Variants in SLC4A4 observed in about 807,000 individuals in gnomAD.
SLC4A4 encodes solute carrier family 4 member 4.
A neutral mutation model predicts 111.5 loss-of-function variants in SLC4A4; 27 were observed. The observed-to-expected ratio is 0.24, with a 90% CI of 0.18 to 0.33. The LOEUF (loss-of-function observed/expected upper bound fraction) is 0.33, where lower values mean the gene tolerates loss of function less well. Ranked by LOEUF, SLC4A4 falls within the 10% of genes least tolerant of loss-of-function variation. The pLI is 1.00. For synonymous variants in SLC4A4, 443 were observed against 463.4 expected (o/e 0.96, Z 0.57); for missense variants, 909 against 1,315.5 (o/e 0.69, Z 4.78).
chr4:71,422,256 C>T (rs1429609827), intron 7 of SLC4A4, among the ~76,000 whole-genome samples: 30 of 142,404 alleles, frequency 2.1e-4, no homozygotes, highest in East Asian at 1.0e-3. Flanking sequence ...ATAAATTCCT[C>T]GACACATACA....
At chr4:71,301,027 A>C (rs1725210798) in intron 3 of SLC4A4, 2 of 434,082 alleles carry the variant, frequency 4.6e-6, no homozygotes, top group Non-Finnish European at 9.4e-6. Context: ...TTGCCAGCCC[A>C]CTAGAAGGGA....
chr4:71,214,444 A>G (rs187850447), intron 1 of SLC4A4, among the ~76,000 whole-genome samples: 421 of 152,296 alleles, frequency 2.8e-3, no homozygotes, highest in Non-Finnish European at 4.5e-3. Context: ...GCAAAGGCTG[A>G]TGGGGCAGAG....
intron 3 of SLC4A4, among the ~76,000 whole-genome samples, chr4:71,315,099 T>C (rs974771573): frequency 6.6e-6 from 1 of 152,126 alleles, no homozygotes; most frequent in Non-Finnish European, 1.5e-5. Flanking sequence ...TATAAAGTTA[T>C]CAAGCTGAAC....
intron 3 of SLC4A4, among the ~76,000 whole-genome samples, chr4:71,325,204 A>T (rs933754827): frequency 6.6e-6 from 1 of 151,858 alleles, no homozygotes; most frequent in Non-Finnish European, 1.5e-5. Flanking sequence ...AAGAAAATCT[A>T]GGTAACTTGT....
intron 7 of SLC4A4, among the ~76,000 whole-genome samples, chr4:71,439,450 A>AAAAG: frequency 7.0e-6 from 1 of 141,898 alleles, no homozygotes; most frequent in African/African-American, 2.6e-5. Context: ...AAAAAAAAAA[A>AAAAG]AAAAAAAAAA....
intron 6 of SLC4A4, among the ~76,000 whole-genome samples, chr4:71,378,625 A>G (rs1051797473): frequency 3.3e-5 from 5 of 152,240 alleles, no homozygotes; most frequent in Non-Finnish European, 5.9e-5. Flanking sequence ...TTGTCTGTGC[A>G]CATGTGAGTG....
At chr4:71,140,566 T>G (rs1415642184) in intron 2 of SLC4A4, among the ~76,000 whole-genome samples, 1 of 152,186 alleles carries the variant, frequency 6.6e-6, no homozygotes, top group Non-Finnish European at 1.5e-5. Context: ...ACACATTATT[T>G]TGATTTTTCC....
chr4:71,145,520 C>G (rs896797479), intron 2 of SLC4A4, among the ~76,000 whole-genome samples: 1 of 152,022 alleles, frequency 6.6e-6, no homozygotes, highest in African/African-American at 2.4e-5. Context: ...TCAGAAGGAA[C>G]GGTACCAGCT....
chr4:71,313,292 T>C (rs554026339), intron 3 of SLC4A4, among the ~76,000 whole-genome samples: 3 of 152,290 alleles, frequency 2.0e-5, no homozygotes, highest in Admixed American at 1.3e-4. Flanking sequence ...CAGAAACAAA[T>C]GGAACAACAT....
intron 1 of SLC4A4, among the ~76,000 whole-genome samples, chr4:71,075,896 G>T (rs1202500597): frequency 1.3e-5 from 2 of 151,566 alleles, no homozygotes; most frequent in East Asian, 3.9e-4. Flanking sequence ...CCTGGGAGGA[G>T]GTTGCAGTGA....
At chr4:71,465,455 C>A (rs1727218931) in intron 12 of SLC4A4, among the ~76,000 whole-genome samples, 1 of 150,916 alleles carries the variant, frequency 6.6e-6, no homozygotes, top group Admixed American at 6.6e-5. Flanking sequence ...CCTACAAATA[C>A]ACATGTGCTT....
At chr4:71,398,916 C>T (rs903493568) in intron 7 of SLC4A4, among the ~76,000 whole-genome samples, 5 of 152,140 alleles carry the variant, frequency 3.3e-5, no homozygotes. Flanking sequence ...TACAGTTAGT[C>T]CTCCATATCC....
At chr4:71,191,274 G>A (rs1243499101) in intron 1 of SLC4A4, among the ~76,000 whole-genome samples, 1 of 152,176 alleles carries the variant, frequency 6.6e-6, no homozygotes, top group African/African-American at 2.4e-5. Context: ...AAAAGATAGT[G>A]GTAGAAACAG....
chr4:71,471,254 T>A (rs1457895800), intron 13 of SLC4A4, among the ~76,000 whole-genome samples: 1 of 151,962 alleles, frequency 6.6e-6, no homozygotes, highest in Non-Finnish European at 1.5e-5. Context: ...TGCCAGGCAC[T>A]GTGCTAGGTA....
chr4:71,423,452 T>G (rs1722764676), intron 7 of SLC4A4, among the ~76,000 whole-genome samples: 1 of 152,238 alleles, frequency 6.6e-6, no homozygotes, highest in Non-Finnish European at 1.5e-5. Flanking sequence ...CCCATCAAGC[T>G]ACCAATGACT....
chr4:71,509,714 G>A (rs760135939), intron 16 of SLC4A4, among the ~76,000 whole-genome samples: 3 of 152,148 alleles, frequency 2.0e-5, no homozygotes, highest in Admixed American at 1.3e-4. Context: ...TAGCCTCTTG[G>A]GTAAGGAGCA....
intron 4 of SLC4A4, among the ~76,000 whole-genome samples, chr4:71,340,046 A>G (rs1728763990): frequency 6.6e-6 from 1 of 150,896 alleles, no homozygotes; most frequent in Non-Finnish European, 1.5e-5. Context: ...ATGGGACCCC[A>G]TCTCTACAAA....
At chr4:71,542,651 A>C (rs1735166406) in intron 18 of SLC4A4, among the ~76,000 whole-genome samples, 1 of 151,950 alleles carries the variant, frequency 6.6e-6, no homozygotes, top group Non-Finnish European at 1.5e-5. Context: ...TTAGAACTCA[A>C]CCTAAATACT....
intron 16 of SLC4A4, among the ~76,000 whole-genome samples, chr4:71,501,009 G>A (rs1730872289): frequency 6.6e-6 from 1 of 152,116 alleles, no homozygotes; most frequent in South Asian, 2.1e-4. Context: ...ATTGGAATTT[G>A]GATAGGGTTT....
Sources: gnomAD v4.1 joint callset for allele counts (sites outside exome capture counted in the v4.1 genomes callset) on GRCh38, gnomAD v4.1.1 for gene constraint, MANE v1.5 for transcripts, NCBI Gene and HGNC (gene_info 2026-07-23, HGNC 2026-07-21) for gene names.